Variants in ULK4 observed in about 807,000 individuals in gnomAD.
ULK4 encodes the protein inactive serine/threonine-protein kinase ULK4.
A neutral mutation model predicts 160.6 loss-of-function variants in ULK4; 133 were observed. That is an observed-to-expected ratio of 0.83 (90% CI 0.72 to 0.96). The LOEUF (loss-of-function observed/expected upper bound fraction) is 0.96, where lower values mean the gene tolerates loss of function less well. Among genes scored for constraint, ULK4 ranks in the 40% least tolerant of loss-of-function variants. The pLI is 0.00. For synonymous variants in ULK4, 534 were observed against 539.8 expected (o/e 0.99, Z 0.15); for missense variants, 1,580 against 1,499.5 (o/e 1.05, Z -0.89).
At chr3:41,902,162 A>T (rs1433687374) in intron 12 of ULK4, among the ~76,000 whole-genome samples, 3 of 152,220 alleles carry the variant, frequency 2.0e-5, no homozygotes, top group Admixed American at 6.5e-5. Context: ...TGAAGTAAGG[A>T]ATAAGGAAAA....
intron 35 of ULK4, among the ~76,000 whole-genome samples, chr3:41,325,306 T>C (rs554845283): frequency 7.2e-5 from 11 of 152,214 alleles, no homozygotes; most frequent in African/African-American, 2.6e-4. Context: ...CTGGGGAGTT[T>C]GAAGAATGAA....
intron 35 of ULK4, among the ~76,000 whole-genome samples, chr3:41,338,112 A>C (rs1449356092): frequency 4.6e-5 from 7 of 152,248 alleles, no homozygotes; most frequent in African/African-American, 1.4e-4. Flanking sequence ...CCTTTCAGAG[A>C]GACAACTTGT....
intron 34 of ULK4, among the ~76,000 whole-genome samples, chr3:41,447,100 A>AG (rs1195109345): frequency 6.7e-6 from 1 of 149,762 alleles, no homozygotes; most frequent in Non-Finnish European, 1.5e-5. Flanking sequence ...AAAAAAAAAA[A>AG]AAAAAAAAAG....
At chr3:41,506,697 A>G (rs1264135492) in intron 32 of ULK4, among the ~76,000 whole-genome samples, 1 of 139,072 alleles carries the variant, frequency 7.2e-6, no homozygotes, top group Non-Finnish European at 1.5e-5. Flanking sequence ...CTTGTCCTCT[A>G]TTTCTTAAGC....
chr3:41,538,933 G>T (rs540060839), intron 32 of ULK4, among the ~76,000 whole-genome samples: 2 of 151,104 alleles, frequency 1.3e-5, no homozygotes, highest in African/African-American at 4.9e-5. Flanking sequence ...TTTTATTTAA[G>T]ATAGATACAA....
chr3:41,678,999 T>C (rs1318931713), intron 29 of ULK4, among the ~76,000 whole-genome samples: 1 of 152,244 alleles, frequency 6.6e-6, no homozygotes, highest in Non-Finnish European at 1.5e-5. Flanking sequence ...TACCAGGTTC[T>C]AGTTTTCCAG....
intron 35 of ULK4, among the ~76,000 whole-genome samples, chr3:41,302,368 T>A: frequency 6.6e-6 from 1 of 152,208 alleles, no homozygotes; most frequent in East Asian, 1.9e-4. Flanking sequence ...TTTAATCAAG[T>A]TAGCAAGTAG....
intron 18 of ULK4, among the ~76,000 whole-genome samples, chr3:41,835,189 A>T (rs1016987297): frequency 1.3e-5 from 2 of 152,168 alleles, no homozygotes; most frequent in African/African-American, 4.8e-5. Context: ...CAGCCTGGGC[A>T]ACAGAGTGAG....
chr3:41,684,385 A>G (rs2036029839), intron 27 of ULK4, among the ~76,000 whole-genome samples: 1 of 152,226 alleles, frequency 6.6e-6, no homozygotes, highest in South Asian at 2.1e-4. Flanking sequence ...ACGTTGCTGC[A>G]GGTCCTTGAA....
chr3:41,954,388 T>C (rs773119218), intron 2 of ULK4, among the ~76,000 whole-genome samples: 1 of 151,484 alleles, frequency 6.6e-6, no homozygotes, highest in Non-Finnish European at 1.5e-5. Flanking sequence ...TTCCCCAATT[T>C]ATACCCACCC....
intron 21 of ULK4, among the ~76,000 whole-genome samples, chr3:41,755,153 A>G (rs1181776157): frequency 6.6e-6 from 1 of 152,190 alleles, no homozygotes; most frequent in Non-Finnish European, 1.5e-5. Context: ...GAATGTAAGT[A>G]GTCAGAAATA....
At chr3:41,454,033 G>T (rs376193987) in intron 34 of ULK4, among the ~76,000 whole-genome samples, 1 of 96,382 alleles carries the variant, frequency 1.0e-5, no homozygotes, top group African/African-American at 4.0e-5. Context: ...GTCATGGGGT[G>T]GGGGGAGGGG....
chr3:41,891,556 A>C (rs1393665508), intron 16 of ULK4, among the ~76,000 whole-genome samples: 1 of 152,026 alleles, frequency 6.6e-6, no homozygotes, highest in Non-Finnish European at 1.5e-5. Flanking sequence ...AAGAGAGCTC[A>C]AACTCCAAAG....
At chr3:41,875,029 G>A (rs1034420701) in intron 17 of ULK4, among the ~76,000 whole-genome samples, 1 of 151,964 alleles carries the variant, frequency 6.6e-6, no homozygotes, top group Non-Finnish European at 1.5e-5. Flanking sequence ...AAAATTAAAA[G>A]ATTAGTCAGG....
chr3:41,721,249 C>T lies in ULK4; in HGVS notation c.2322-3388G>A, dbSNP rs752784796. Reference sequence around the variant, plus strand: ...ATGGAAGCAGATGAGAAATTTTTCGCTTTGAATTTTTTTTTTTTTTTTTTT... The same window carrying T: ...ATGGAAGCAGATGAGAAATTTTTCGTTTTGAATTTTTTTTTTTTTTTTTTT... On this transcript the variant is annotated intron_variant, in intron 22 of 36. Transcript: ENST00000301831. Among the ~76,000 whole-genome samples the T allele has an allele frequency of 7.0e-4, 39 of 55,380 alleles. 2 individuals are homozygous for T. Among genetic ancestry groups the T allele is most frequent in the South Asian group, 5.2e-3 (8 of 1,538 alleles). The allele number at this position is 55,380 out of a possible 152,430, so 36.3% of individuals were successfully genotyped here. A position where few individuals can be genotyped will look rare whatever the true frequency, so the allele number is the denominator to read the frequency against.
intron 18 of ULK4, among the ~76,000 whole-genome samples, chr3:41,826,373 C>A (rs1365542598): frequency 1.3e-4 from 20 of 152,102 alleles, no homozygotes; most frequent in Admixed American, 4.6e-4. Flanking sequence ...CAAACTGGAT[C>A]AAGAGTCAAG....
chr3:41,300,066 A>G (rs1482580377), intron 35 of ULK4, among the ~76,000 whole-genome samples: 1 of 152,194 alleles, frequency 6.6e-6, no homozygotes, highest in South Asian at 2.1e-4. Context: ...CACCAGCAGA[A>G]GAAGAGCACC....
In ULK4 at chr3:41,576,263, GAA is replaced by G. The variant is rs372125727; in HGVS notation, c.3121-10135_3121-10134del. ...AAATTCAGGCCAGATGTTGTTTCCTGAAGCTGGTGTCTGTGGGGAAGGTTGCC... is the reference window on the plus strand; with the variant it reads ...AAATTCAGGCCAGATGTTGTTTCCTGGCTGGTGTCTGTGGGGAAGGTTGCC... On this transcript the variant is annotated intron_variant, in intron 31 of 36. Transcript: ENST00000301831. 1.1e-3 allele frequency among the ~76,000 whole-genome samples: 166 copies of G among 152,314 alleles called. 1 individual carries two copies. The highest frequency in any genetic ancestry group is 3.1e-3 in the African/African-American group (130 of 41,574).
chr3:41,639,533 G>A (rs1346036099), intron 30 of ULK4, among the ~76,000 whole-genome samples: 2 of 152,156 alleles, frequency 1.3e-5, no homozygotes, highest in Non-Finnish European at 2.9e-5. Flanking sequence ...TTCAAGACCA[G>A]CCTGGATAAC....
Sources: gnomAD v4.1 joint callset for allele counts (sites outside exome capture counted in the v4.1 genomes callset) on GRCh38, gnomAD v4.1.1 for gene constraint, MANE v1.5 for transcripts, NCBI Gene and HGNC (gene_info 2026-07-23, HGNC 2026-07-21) for gene names.